Variants in TBC1D5 observed in about 807,000 individuals in gnomAD.
The protein encoded by TBC1D5 is TBC1 domain family member 5.
In TBC1D5, 75 loss-of-function variants were observed where a neutral mutation model predicts 100.3. That is an observed-to-expected ratio of 0.75 (90% CI 0.62 to 0.91). TBC1D5 has a LOEUF of 0.91. Ranked by LOEUF, TBC1D5 falls within the 40% of genes least tolerant of loss-of-function variation. The probability of loss-of-function intolerance (pLI) is 0.00; values close to 1 mark genes in which losing one functional copy is unlikely to be tolerated. For missense variants in TBC1D5, 910 were observed against 942.4 expected, an observed-to-expected ratio of 0.97 and a Z score of 0.45; for synonymous variants, 323 against 325.6, an observed-to-expected ratio of 0.99 and a Z score of 0.09.
At chr3:17,386,977 T>C (rs2093176384) in intron 8 of TBC1D5, among the ~76,000 whole-genome samples, 1 of 152,146 alleles carries the variant, frequency 6.6e-6, no homozygotes, top group African/African-American at 2.4e-5. Context: ...ATATGTATTA[T>C]GCAGACATAG....
chr3:17,725,812 G>A (rs1410046688), intron 1 of TBC1D5, among the ~76,000 whole-genome samples: 1 of 152,110 alleles, frequency 6.6e-6, no homozygotes, highest in Non-Finnish European at 1.5e-5. Flanking sequence ...TCATCACCTA[G>A]GCAATAAACA....
intron 2 of TBC1D5, among the ~76,000 whole-genome samples, chr3:17,559,571 A>C (rs1357390672): frequency 6.6e-6 from 1 of 151,852 alleles, no homozygotes; most frequent in East Asian, 1.9e-4. Flanking sequence ...ATTCACATTC[A>C]CTGACCACAA....
intron 17 of TBC1D5, among the ~76,000 whole-genome samples, chr3:17,230,981 T>C (rs2075365984): frequency 6.6e-6 from 1 of 152,178 alleles, no homozygotes; most frequent in African/African-American, 2.4e-5. Flanking sequence ...TATACCATAT[T>C]GTCTAGGGAG....
At position 17,506,496 on chromosome 3, in the gene TBC1D5, G is replaced by A. The variant is rs555315642; in HGVS notation, c.97+1978C>T. 2.3e-3 allele frequency among the ~76,000 whole-genome samples: 352 copies of A among 152,262 alleles called. 1 individual carries two copies. Among genetic ancestry groups the A allele is most frequent in the Non-Finnish European group, 4.0e-3 (274 of 68,020 alleles). On this transcript the variant is annotated intron_variant, in intron 3 of 21. Coordinates refer to ENST00000253692, the Ensembl canonical transcript of TBC1D5. ...CTTGATTACTTCAAGATTAGCTATC[G>A]AAAGTTTCTATTCATTTTAAGTGTT...
At chr3:17,708,509 A>T (rs1005779202) in intron 1 of TBC1D5, among the ~76,000 whole-genome samples, 8 of 152,324 alleles carry the variant, frequency 5.3e-5, no homozygotes, top group African/African-American at 1.9e-4. Context: ...GTTGGGCCAG[A>T]TAATTCTTTT....
intron 2 of TBC1D5, among the ~76,000 whole-genome samples, chr3:17,579,282 A>G (rs2096677293): frequency 6.6e-6 from 1 of 152,144 alleles, no homozygotes; most frequent in Admixed American, 6.6e-5. Context: ...TTTGTAAAAT[A>G]GAAATATTTG....
At chr3:17,188,261 A>G (rs1271115884) in intron 18 of TBC1D5, among the ~76,000 whole-genome samples, 1 of 152,192 alleles carries the variant, frequency 6.6e-6, no homozygotes, top group Non-Finnish European at 1.5e-5. Context: ...GAAAATATGC[A>G]GGGATATAAA....
chr3:17,701,243 A>T, intron 1 of TBC1D5, among the ~76,000 whole-genome samples: 1 of 152,004 alleles, frequency 6.6e-6, no homozygotes, highest in South Asian at 2.1e-4. Context: ...AAAACCAAAT[A>T]CCACATGTTC....
At chr3:17,543,136 G>A (rs1315259465) in intron 2 of TBC1D5, among the ~76,000 whole-genome samples, 2 of 152,112 alleles carry the variant, frequency 1.3e-5, no homozygotes, top group African/African-American at 4.8e-5. Context: ...GAGGGGAGGG[G>A]AGAGGAGAAG....
chr3:17,535,581 C>A (rs767272739), intron 2 of TBC1D5, among the ~76,000 whole-genome samples: 2 of 152,018 alleles, frequency 1.3e-5, no homozygotes, highest in Non-Finnish European at 2.9e-5. Context: ...TAAAAATAGA[C>A]TCCGGTCTGT....
rs368932889 is a variant in TBC1D5, at chr3:17,710,998, G to C, written c.-101+28345C>G. Among the ~76,000 whole-genome samples the C allele has an allele frequency of 1.0e-3, 155 of 152,162 alleles. 2 individuals carry two copies. In the South Asian group the frequency reaches 0.018, roughly 18 times the overall value. ...AGGCATGAGCCACCATACACGGTCTGTTTTCATTTATTTAATCCTTAAGAA... is the reference window on the plus strand; with the variant it reads ...AGGCATGAGCCACCATACACGGTCTCTTTTCATTTATTTAATCCTTAAGAA... On this transcript the variant is annotated intron_variant, in intron 1 of 21. Transcript: ENST00000253692.
chr3:17,369,111 A>G (rs1444365035), intron 13 of TBC1D5, among the ~76,000 whole-genome samples: 1 of 152,164 alleles, frequency 6.6e-6, no homozygotes, highest in African/African-American at 2.4e-5. Flanking sequence ...CTGCCAAACT[A>G]TATGATCATT....
chr3:17,398,362 T>C (rs972632343), intron 8 of TBC1D5, among the ~76,000 whole-genome samples: 2 of 152,114 alleles, frequency 1.3e-5, no homozygotes, highest in African/African-American at 4.8e-5. Context: ...AAGAGGAAGA[T>C]AATATTTAAT....
exon 22 of TBC1D5, chr3:17,160,111 A>T (rs1353525703): frequency 6.6e-6 from 1 of 152,220 alleles, no homozygotes; most frequent in Non-Finnish European, 1.5e-5. Flanking sequence ...GAAGGATAGT[A>T]ATATTCTTAT....
chr3:17,741,537 T>G (rs1293854019), upstream of TBC1D5, among the ~76,000 whole-genome samples: 1 of 152,240 alleles, frequency 6.6e-6, no homozygotes, highest in Non-Finnish European at 1.5e-5. Context: ...GGCAACCTGG[T>G]CCAAACGTGT....
intron 2 of TBC1D5, among the ~76,000 whole-genome samples, chr3:17,550,919 C>CA (rs1323080261): frequency 2.6e-5 from 4 of 151,154 alleles, no homozygotes; most frequent in Non-Finnish European, 4.4e-5. Flanking sequence ...AAACTAAAAC[C>CA]AAAAAAAATC....
In TBC1D5 at chr3:17,587,236, AATTT is replaced by A. The variant is rs368453478; in HGVS notation, c.-36+36609_-36+36612del. On this transcript the variant is annotated intron_variant, in intron 2 of 21. Coordinates refer to ENST00000253692, the Ensembl canonical transcript of TBC1D5. Reference sequence around the variant, plus strand: ...ACTAAATTTCTCAACTGGGCTATCTAATTTAAGTAAAGAACCTGTTAATAATAAA... The same window carrying A: ...ACTAAATTTCTCAACTGGGCTATCTAAAGTAAAGAACCTGTTAATAATAAA... 1.0e-3 allele frequency among the ~76,000 whole-genome samples: 155 copies of A among 152,148 alleles called. 2 individuals are homozygous for A. In the South Asian group the frequency reaches 0.018, roughly 18 times the overall value.
chr3:17,377,775 G>T (rs1008350180), intron 9 of TBC1D5, among the ~76,000 whole-genome samples: 2 of 151,896 alleles, frequency 1.3e-5, no homozygotes, highest in African/African-American at 4.8e-5. Flanking sequence ...TCATGTATAA[G>T]TTATCACTAG....
At chr3:17,548,566 C>T (rs914205757) in intron 2 of TBC1D5, among the ~76,000 whole-genome samples, 2 of 152,106 alleles carry the variant, frequency 1.3e-5, no homozygotes, top group African/African-American at 4.8e-5. Flanking sequence ...TGCCAATCAA[C>T]ACTTGTCTTC....
Sources: gnomAD v4.1 joint callset for allele counts (sites outside exome capture counted in the v4.1 genomes callset) on GRCh38, gnomAD v4.1.1 for gene constraint, MANE v1.5 for transcripts, NCBI Gene and HGNC (gene_info 2026-07-23, HGNC 2026-07-21) for gene names.